The following RFTN1 variants were observed in gnomAD, a reference collection of about 807,000 sequenced individuals.
RFTN1 encodes the protein raftlin, lipid raft linker 1, also known as raftlin.
A neutral mutation model predicts 46.5 loss-of-function variants in RFTN1; 26 were observed. The observed-to-expected ratio is 0.56, with a 90% CI of 0.41 to 0.78. The LOEUF (loss-of-function observed/expected upper bound fraction) is 0.78. Among genes scored for constraint, RFTN1 ranks in the 30% least tolerant of loss-of-function variants. RFTN1 has a pLI of 0.00. For synonymous variants in RFTN1, 261 were observed against 284.2 expected (o/e 0.92, Z 0.82); for missense variants, 693 against 718.7 (o/e 0.96, Z 0.41).
chr3:16,342,109 CAG>C lies in RFTN1; in HGVS notation c.1147-15235_1147-15234del, dbSNP rs1272482335. The stretch of plus-strand genomic sequence containing the variant: ...ACAATTCAGTGGTTTATAATATATT[CAG>C]AGTTATACAACCATCACCACAATCT... On this transcript the variant is annotated intron_variant, in intron 7 of 9. Coordinates refer to ENST00000334133, the MANE Select transcript of RFTN1 (RefSeq NM_015150.2). The surrounding 1 kb of genome is among the most constrained non-coding windows in gnomAD (Gnocchi z 4.0). Among the ~76,000 whole-genome samples the C allele has an allele frequency of 2.0e-5, 3 of 152,118 alleles. No individual in the cohort carries two copies. The highest frequency in any genetic ancestry group is 2.1e-4 in the South Asian group (1 of 4,826).
At chr3:16,461,178 A>T (rs2076003048) in intron 2 of RFTN1, among the ~76,000 whole-genome samples, 1 of 152,200 alleles carries the variant, frequency 6.6e-6, no homozygotes, top group Non-Finnish European at 1.5e-5. Context: ...TCTTTTGACC[A>T]TCTTTGACAA....
Position 16,475,200 on chromosome 3 carries a change from G to A in RFTN1, c.145+18525C>T, listed in dbSNP as rs1007591624. Reference sequence around the variant, plus strand: ...CTGGAAGCCCTCACCAGAAGCAGATGCTGACGCCATGCTTCTTGTACAGCT... The same window carrying A: ...CTGGAAGCCCTCACCAGAAGCAGATACTGACGCCATGCTTCTTGTACAGCT... On this transcript the variant is annotated intron_variant, in intron 2 of 9. Transcript: ENST00000334133. This position sits in a 1 kb window ranked among gnomAD's most constrained non-coding sequence, Gnocchi z 4.2. Among the ~76,000 whole-genome samples, 4 of 152,208 alleles carry A rather than the reference G, an allele frequency of 2.6e-5. No homozygotes were observed. The highest frequency in any genetic ancestry group is 4.4e-5 in the Non-Finnish European group (3 of 68,042).
At chr3:16,396,170 A>G (rs1349999619) in intron 4 of RFTN1, among the ~76,000 whole-genome samples, 1 of 152,210 alleles carries the variant, frequency 6.6e-6, no homozygotes, top group Non-Finnish European at 1.5e-5. Context: ...ACCTGGAAAG[A>G]CTGATATTTG....
intron 4 of RFTN1, among the ~76,000 whole-genome samples, chr3:16,396,632 A>T (rs969505179): frequency 3.3e-5 from 5 of 152,246 alleles, no homozygotes; most frequent in East Asian, 3.8e-4. Flanking sequence ...ATTGAGGATT[A>T]GAAAACACAC....
rs369615625 is a variant in RFTN1, at chr3:16,360,338, T to C, written c.1031-2291A>G. ...AGGCACATGCCACCACCCCAGCTAA[T>C]TTTTTATTATTTGTAGAGATGCGGT... On this transcript the variant is annotated intron_variant, in intron 6 of 9. Transcript: ENST00000334133. 3.3e-5 allele frequency among the ~76,000 whole-genome samples: 5 copies of C among 152,110 alleles called. No individual in the cohort carries two copies. The East Asian group carries it at 5.8e-4, about 18-fold the overall frequency.
chr3:16,417,364 G>T lies in RFTN1; in HGVS notation c.333-7881C>A, dbSNP rs1029732397. Among the ~76,000 whole-genome samples, 20 of 151,874 alleles carry T rather than the reference G, an allele frequency of 1.3e-4. 1 individual carries two copies. Among genetic ancestry groups the T allele is most frequent in the Admixed American group, 1.3e-3 (20 of 15,228 alleles). ...TTAACACCTTATATCTAGAACTTGG[G>T]CCAAAACTGAATGTGAACAAGTAAA... On this transcript the variant is annotated intron_variant, in intron 3 of 9. Coordinates refer to ENST00000334133, the MANE Select transcript of RFTN1 (RefSeq NM_015150.2).
chr3:16,362,132 C>A (rs2072870051), intron 6 of RFTN1, among the ~76,000 whole-genome samples: 1 of 152,212 alleles, frequency 6.6e-6, no homozygotes, highest in South Asian at 2.1e-4. Flanking sequence ...ACCGGTTCAA[C>A]AAACCATGGC....
chr3:16,419,920 A>G (rs2075153594), intron 3 of RFTN1, among the ~76,000 whole-genome samples: 1 of 152,172 alleles, frequency 6.6e-6, no homozygotes, highest in African/African-American at 2.4e-5. Flanking sequence ...TCTGGACATG[A>G]TGGGGGAGAT....
chr3:16,397,974 C>T lies in RFTN1; in HGVS notation c.441+11401G>A, dbSNP rs1052731763. 7.2e-5 allele frequency among the ~76,000 whole-genome samples: 11 copies of T among 152,164 alleles called. No homozygotes were observed. In the East Asian group the frequency reaches 2.1e-3, roughly 29 times the overall value. On this transcript the variant is annotated intron_variant, in intron 4 of 9. Transcript: ENST00000334133. Reference sequence around the variant, plus strand: ...TTTAAGAAGCATCATGGGCCGGGCGCGGTGGCTCACGCCTATAATCCCAGC... The same window carrying T: ...TTTAAGAAGCATCATGGGCCGGGCGTGGTGGCTCACGCCTATAATCCCAGC...
At chr3:16,368,970 T>A (rs149399008) in intron 6 of RFTN1, among the ~76,000 whole-genome samples, 6 of 152,310 alleles carry the variant, frequency 3.9e-5, no homozygotes, top group South Asian at 2.1e-4. Flanking sequence ...ACCTTTCTTG[T>A]GTCATTCATG....
chr3:16,316,718 C>G lies in RFTN1; in HGVS notation c.*110G>C. 1 of 1,363,466 alleles carries G rather than the reference C, an allele frequency of 7.3e-7. No individual in the cohort carries two copies. The highest frequency in any genetic ancestry group is 1.0e-6 in the Non-Finnish European group (1 of 967,220). 84.5% of individuals were successfully genotyped at this position (1,363,466 alleles called of 1,614,324 possible). ...GCTCACAAGGAGAGGTCAAGCCAAG[C>G]CAAAGGGTAGGTAACACACAACACC... is the stretch of plus-strand genomic sequence containing the variant. On this transcript the variant is annotated 3_prime_UTR_variant, in exon 10 of 10. Transcript: ENST00000334133. The surrounding 1 kb of genome is among the most constrained non-coding windows in gnomAD (Gnocchi z 4.5).
chr3:16,323,744 G>A (rs1191976177), intron 8 of RFTN1, among the ~76,000 whole-genome samples: 1 of 152,174 alleles, frequency 6.6e-6, no homozygotes, highest in Non-Finnish European at 1.5e-5. Context: ...GGCCAAATGT[G>A]GACACACTGG....
At chr3:16,409,994 ATT>A (rs11317679) in intron 3 of RFTN1, among the ~76,000 whole-genome samples, 2,804 of 147,274 alleles carry the variant, frequency 0.019, 40 homozygotes, top group Admixed American at 0.03. Flanking sequence ...GACGCAGAAT[ATT>A]TTTTTTTTTT....
intron 2 of RFTN1, among the ~76,000 whole-genome samples, chr3:16,453,574 T>C (rs934887947): frequency 1.4e-4 from 21 of 152,230 alleles, no homozygotes; most frequent in African/African-American, 4.3e-4. Flanking sequence ...GAAAGGTTGA[T>C]TACAGCGAAG....
At chr3:16,441,269 T>C (rs1432218690) in intron 2 of RFTN1, among the ~76,000 whole-genome samples, 2 of 44,700 alleles carry the variant, frequency 4.5e-5, no homozygotes, top group Admixed American at 4.7e-4. Context: ...AATAACTCCA[T>C]ATAAATAAAT....
rs776711192 is a variant in RFTN1, at chr3:16,500,111, G to A, written c.-8-6234C>T. Among the ~76,000 whole-genome samples the A allele has an allele frequency of 1.2e-4, 18 of 152,146 alleles. No individual in the cohort carries two copies. The highest frequency in any genetic ancestry group is 1.9e-4 in the Non-Finnish European group (13 of 68,034). ...TTCACTGACTTTTTCTCTGGTTGTT[G>A]CTTGTTTTTGTAAAAAACACATGCT... On this transcript the variant is annotated intron_variant, in intron 1 of 9. Coordinates refer to ENST00000334133, the MANE Select transcript of RFTN1 (RefSeq NM_015150.2). The surrounding 1 kb of genome is among the most constrained non-coding windows in gnomAD (Gnocchi z 5.9).
chr3:16,510,526 T>C (rs2125017501), intron 1 of RFTN1, among the ~76,000 whole-genome samples: 1 of 152,350 alleles, frequency 6.6e-6, no homozygotes, highest in South Asian at 2.1e-4. Flanking sequence ...GGACTTCCTA[T>C]GGCCCCTCCA....
chr3:16,318,421 C>A (rs371154992), intron 9 of RFTN1, among the ~76,000 whole-genome samples: 5 of 152,140 alleles, frequency 3.3e-5, no homozygotes, highest in Non-Finnish European at 5.9e-5. Flanking sequence ...TGCAGTTGCA[C>A]CATCAGTGGG....
chr3:16,441,367 C>G (rs373733799), intron 2 of RFTN1, among the ~76,000 whole-genome samples: 1 of 146,560 alleles, frequency 6.8e-6, no homozygotes. Context: ...TCCACAAAAC[C>G]ACACATTTCT....
Sources: allele counts gnomAD v4.1 joint callset (sites outside exome capture counted in the v4.1 genomes callset), GRCh38; gene constraint gnomAD v4.1.1; non-coding constraint Gnocchi (gnomAD v3.1); transcripts MANE v1.5; gene names NCBI Gene and HGNC (gene_info 2026-07-23, HGNC 2026-07-21).